The following KIF6 variants were observed in gnomAD, a reference collection of about 807,000 sequenced individuals.
KIF6 encodes kinesin-like protein KIF6.
KIF6 carries 106 observed loss-of-function variants against 112.7 expected under a neutral mutation model. The ratio of observed to expected loss-of-function variants is 0.94; its 90% CI spans 0.80 to 1.11. KIF6 has a LOEUF of 1.11. KIF6 is among the 50% of genes least tolerant of loss of function. The probability of loss-of-function intolerance (pLI) is 0.00; values close to 1 mark genes in which losing one functional copy is unlikely to be tolerated. For synonymous variants in KIF6, 339 were observed against 339.9 expected (o/e 1.00, Z 0.03); for missense variants, 929 against 964.0 (o/e 0.96, Z 0.48).
chr6:39,687,486 C>T (rs547940332), intron 3 of KIF6, among the ~76,000 whole-genome samples: 2 of 152,200 alleles, frequency 1.3e-5, no homozygotes, highest in East Asian at 3.9e-4. Context: ...CTTCTTATTC[C>T]TTAACATCAA....
At chr6:39,451,982 G>A (rs549911459) in intron 13 of KIF6, among the ~76,000 whole-genome samples, 1 of 152,288 alleles carries the variant, frequency 6.6e-6, no homozygotes, top group South Asian at 2.1e-4. Context: ...TACAAAGACA[G>A]CCCTTCAAAA....
At chr6:39,407,307 A>G (rs1769162664) in intron 15 of KIF6, among the ~76,000 whole-genome samples, 1 of 152,314 alleles carries the variant, frequency 6.6e-6, no homozygotes, top group African/African-American at 2.4e-5. Context: ...TAGATTACTG[A>G]TGCAGGCACT....
In KIF6 at chr6:39,343,302, C is replaced by T. The variant is rs1478981982; in HGVS notation, c.2428+407G>A. ...TCACAGCTCTTTGGCAAGAACCACA[C>T]TCTGATAGGGGAGTGAGACTTTAAG... On this transcript the variant is annotated intron_variant, in intron 22 of 22. Transcript: ENST00000287152. The surrounding 1 kb of genome is among the most constrained non-coding windows in gnomAD (Gnocchi z 4.1). 4.6e-6 allele frequency: 6 copies of T among 1,292,574 alleles called. No homozygotes were observed. Among genetic ancestry groups the T allele is most frequent in the Non-Finnish European group, 6.1e-6 (6 of 990,892 alleles). The allele number at this position is 1,292,574 out of a possible 1,614,324, so 80.1% of individuals were successfully genotyped here. A position where few individuals can be genotyped will look rare whatever the true frequency, so the allele number is the denominator to read the frequency against.
chr6:39,337,225 T>TTCTTTCTTTCTTTCTTTCTTTCTTTCTC (rs1562102921), intron 22 of KIF6, among the ~76,000 whole-genome samples: 3 of 111,246 alleles, frequency 2.7e-5, no homozygotes, highest in South Asian at 2.5e-4. Context: ...CTTTCTTTCT[T>TTCTTTCTTTCTTTCTTTCTTTCTTTCTC]TCTTTCTTTC....
intron 10 of KIF6, chr6:39,554,652 A>T (rs1359563413): frequency 1.3e-5 from 2 of 153,972 alleles, no homozygotes; most frequent in Non-Finnish European, 2.9e-5. Flanking sequence ...GGATAGCAGC[A>T]GCTGCAGCAA....
intron 6 of KIF6, among the ~76,000 whole-genome samples, chr6:39,611,349 G>A (rs1278364150): frequency 2.0e-5 from 3 of 152,048 alleles, no homozygotes; most frequent in Non-Finnish European, 4.4e-5. Context: ...AAAAGACTTG[G>A]AATTTTGTAA....
At chr6:39,489,182 G>C (rs1246298536) in intron 13 of KIF6, among the ~76,000 whole-genome samples, 1 of 152,114 alleles carries the variant, frequency 6.6e-6, no homozygotes, top group Non-Finnish European at 1.5e-5. Flanking sequence ...TATAATATCT[G>C]TTTTCTAAAT....
chr6:39,680,560 T>C (rs929390418), intron 3 of KIF6, among the ~76,000 whole-genome samples: 1 of 152,088 alleles, frequency 6.6e-6, no homozygotes, highest in Admixed American at 6.6e-5. Context: ...CACAGATAGA[T>C]AGTAGAGGGA....
chr6:39,561,053 A>G (rs899087496), intron 10 of KIF6, among the ~76,000 whole-genome samples: 1 of 152,260 alleles, frequency 6.6e-6, no homozygotes, highest in African/African-American at 2.4e-5. Context: ...TGGACTATGC[A>G]GATAATCTGC....
At chr6:39,629,496 C>T (rs1784252400) in intron 5 of KIF6, among the ~76,000 whole-genome samples, 1 of 151,920 alleles carries the variant, frequency 6.6e-6, no homozygotes, top group South Asian at 2.1e-4. Context: ...AGATCTTTTG[C>T]CCATTTTAAA....
intron 3 of KIF6, among the ~76,000 whole-genome samples, chr6:39,704,613 G>C (rs545126933): frequency 1.3e-5 from 2 of 151,232 alleles, no homozygotes; most frequent in African/African-American, 2.4e-5. Flanking sequence ...GAGAAACTCC[G>C]TCTTTAAAAA....
intron 7 of KIF6, among the ~76,000 whole-genome samples, chr6:39,587,357 T>A (rs889486961): frequency 3.3e-5 from 5 of 152,200 alleles, no homozygotes; most frequent in African/African-American, 1.2e-4. Flanking sequence ...AGGTGTGTGA[T>A]TTCCATCACC....
chr6:39,542,310 G>T (rs1195615483), intron 12 of KIF6, among the ~76,000 whole-genome samples: 1 of 152,022 alleles, frequency 6.6e-6, no homozygotes, highest in Non-Finnish European at 1.5e-5. Flanking sequence ...AATGGCCTTT[G>T]TGCTAAACAC....
chr6:39,534,189 G>C (rs1424257975), intron 13 of KIF6, among the ~76,000 whole-genome samples: 1 of 152,162 alleles, frequency 6.6e-6, no homozygotes, highest in Non-Finnish European at 1.5e-5. Flanking sequence ...TTCCTCACCA[G>C]CAATGGAACA....
intron 15 of KIF6, among the ~76,000 whole-genome samples, chr6:39,411,646 G>A (rs891470208): frequency 6.6e-6 from 1 of 152,220 alleles, no homozygotes; most frequent in East Asian, 1.9e-4. Flanking sequence ...GTTGGCAATG[G>A]TGAGTGAGCA....
At chr6:39,468,818 T>C (rs1773953035) in intron 13 of KIF6, among the ~76,000 whole-genome samples, 1 of 151,824 alleles carries the variant, frequency 6.6e-6, no homozygotes, top group African/African-American at 2.4e-5. Context: ...TTATAAAGGA[T>C]AGTATAATTG....
At chr6:39,451,715 A>G (rs1351368941) in intron 13 of KIF6, among the ~76,000 whole-genome samples, 1 of 152,148 alleles carries the variant, frequency 6.6e-6, no homozygotes, top group Non-Finnish European at 1.5e-5. Flanking sequence ...GAGCAAACAC[A>G]TGTCTGTGAA....
At chr6:39,466,618 T>G (rs1191521008) in intron 13 of KIF6, among the ~76,000 whole-genome samples, 1 of 152,068 alleles carries the variant, frequency 6.6e-6, no homozygotes, top group Non-Finnish European at 1.5e-5. Flanking sequence ...AGCTCTACTC[T>G]GGATGACTGT....
intron 13 of KIF6, among the ~76,000 whole-genome samples, chr6:39,510,090 T>C (rs1400672861): frequency 7.5e-6 from 1 of 133,368 alleles, no homozygotes; most frequent in Non-Finnish European, 1.5e-5. Flanking sequence ...CATTCTTTTC[T>C]TTTCTTTTTT....
Sources: allele counts gnomAD v4.1 joint callset (sites outside exome capture counted in the v4.1 genomes callset), GRCh38; gene constraint gnomAD v4.1.1; non-coding constraint Gnocchi (gnomAD v3.1); transcripts MANE v1.5; gene names NCBI Gene and HGNC (gene_info 2026-07-23, HGNC 2026-07-21).